Variants in FARP2 observed in about 807,000 individuals in gnomAD.
FARP2 encodes the protein FERM, ARHGEF and pleckstrin domain-containing protein 2.
FARP2 carries 111 observed loss-of-function variants against 130.5 expected under a neutral mutation model. The ratio of observed to expected loss-of-function variants is 0.85; its 90% CI spans 0.73 to 1.00. FARP2 has a LOEUF of 1.00. Among genes scored for constraint, FARP2 ranks in the 50% least tolerant of loss-of-function variants. The pLI, the probability that FARP2 is intolerant of heterozygous loss-of-function variation, is 0.00. For synonymous variants in FARP2, 504 were observed against 516.9 expected, an observed-to-expected ratio of 0.98 and a Z score of 0.34; for missense variants, 1,385 against 1,346.3, an observed-to-expected ratio of 1.03 and a Z score of -0.45.
intron 1 of FARP2, among the ~76,000 whole-genome samples, chr2:241,357,480 G>GT (rs1357048056): frequency 1.3e-5 from 2 of 152,074 alleles, no homozygotes; most frequent in Admixed American, 1.3e-4. Flanking sequence ...GTTTTGTTTT[G>GT]TTTTTTGAGG....
chr2:241,371,279 T>A (rs566866113), intron 1 of FARP2, among the ~76,000 whole-genome samples: 58 of 152,270 alleles, frequency 3.8e-4, no homozygotes, highest in African/African-American at 1.4e-3. Flanking sequence ...GGCCAGGAGT[T>A]GAAAACCAGC....
At chr2:241,463,531 G>A in intron 16 of FARP2, 63 bp downstream of exon 16, 1 of 1,553,114 alleles carries the variant, frequency 6.4e-7, no homozygotes, top group Non-Finnish European at 8.7e-7. Context: ...CCGCTCTTAG[G>A]AACTTCCCAG....
intron 6 of FARP2, among the ~76,000 whole-genome samples, chr2:241,412,186 G>A (rs751540115): frequency 1.3e-5 from 2 of 152,282 alleles, no homozygotes; most frequent in East Asian, 3.9e-4. Flanking sequence ...TGGCGGCAGC[G>A]AGAGAGGCTT....
At chr2:241,357,010 A>G (rs956695023) in intron 1 of FARP2, among the ~76,000 whole-genome samples, 3 of 152,244 alleles carry the variant, frequency 2.0e-5, no homozygotes, top group Non-Finnish European at 2.9e-5. Context: ...GGACCAGAAT[A>G]TGGCCCAGTA....
chr2:241,437,339 C>G (rs915323507), intron 12 of FARP2, among the ~76,000 whole-genome samples: 1 of 152,218 alleles, frequency 6.6e-6, no homozygotes, highest in Non-Finnish European at 1.5e-5. Context: ...ACAGCTGTTC[C>G]GTGCCACTGT....
Position 241,366,122 on chromosome 2 carries a change from C to CAT in FARP2, c.-24-6962_-24-6961insAT, listed in dbSNP as rs2061307447. On this transcript the variant is annotated intron_variant, in intron 1 of 26. Coordinates refer to ENST00000264042, the MANE Select transcript of FARP2 (RefSeq NM_014808.4). Reference sequence around the variant, plus strand: ...AAAAAAAAATATATATATATATATACGTATATATATATATATACACACACA... The same window carrying CAT: ...AAAAAAAAATATATATATATATATACATGTATATATATATATATACACACACA... Among the ~76,000 whole-genome samples the CAT allele has an allele frequency of 2.4e-4, 15 of 63,726 alleles. 1 individual carries two copies. Among genetic ancestry groups the CAT allele is most frequent in the African/African-American group, 8.3e-4 (15 of 18,122 alleles). 41.8% of individuals were successfully genotyped at this position (63,726 alleles called of 152,430 possible).
intron 2 of FARP2, among the ~76,000 whole-genome samples, chr2:241,378,475 A>C (rs2061591698): frequency 7.3e-6 from 1 of 136,250 alleles, no homozygotes; most frequent in Non-Finnish European, 1.5e-5. Context: ...GCAGTGGCAT[A>C]GTCAAAACTC....
intron 13 of FARP2, among the ~76,000 whole-genome samples, chr2:241,451,724 C>G (rs182427675): frequency 6.6e-6 from 1 of 152,224 alleles, no homozygotes; most frequent in Non-Finnish European, 1.5e-5. Context: ...GCACCTAAAA[C>G]TTGATATTTA....
chr2:241,449,120 C>T (rs2063583155), intron 13 of FARP2, among the ~76,000 whole-genome samples: 1 of 152,222 alleles, frequency 6.6e-6, no homozygotes, highest in Non-Finnish European at 1.5e-5. Flanking sequence ...TTCACATTTA[C>T]TTGGATCCCT....
Position 241,458,570 on chromosome 2 carries a change from A to T in FARP2, c.1587+1648A>T, listed in dbSNP as rs138855042. ...AACGTACTGCTGCACGAGGCCTGCAAGTGAGGGCTAGTTCTGGGCCCTGGC... is the reference window on the plus strand; with the variant it reads ...AACGTACTGCTGCACGAGGCCTGCATGTGAGGGCTAGTTCTGGGCCCTGGC... On this transcript the variant is annotated intron_variant, in intron 14 of 26. Coordinates refer to ENST00000264042, the MANE Select transcript of FARP2 (RefSeq NM_014808.4). Among the ~76,000 whole-genome samples, 10 of 152,290 alleles carry T rather than the reference A, an allele frequency of 6.6e-5. No homozygotes were observed. In the East Asian group the frequency reaches 1.9e-3, roughly 29 times the overall value.
chr2:241,420,069 T>C (rs903720007), intron 8 of FARP2, among the ~76,000 whole-genome samples: 1 of 152,342 alleles, frequency 6.6e-6, no homozygotes, highest in Non-Finnish European at 1.5e-5. Context: ...GAGAATCACC[T>C]GAGCCCAGGA....
At chr2:241,471,864 G>T (rs531065928) in intron 18 of FARP2, among the ~76,000 whole-genome samples, 1 of 151,654 alleles carries the variant, frequency 6.6e-6, no homozygotes, top group South Asian at 2.1e-4. Flanking sequence ...GTTCTGAAGG[G>T]AACCTGTTCT....
chr2:241,433,218 A>G (rs1351893405), intron 9 of FARP2, among the ~76,000 whole-genome samples: 1 of 152,242 alleles, frequency 6.6e-6, no homozygotes, highest in African/African-American at 2.4e-5. Context: ...GATAAGTCAA[A>G]GCCCAGAACT....
At chr2:241,456,612 A>G (rs1296799541) in intron 13 of FARP2, 135 bp from the exon 14 acceptor site, 1 of 763,418 alleles carries the variant, frequency 1.3e-6, no homozygotes, top group Non-Finnish European at 2.3e-6. Context: ...GAGGCTGTAC[A>G]TACACATTTT....
chr2:241,463,365 G>A lies in FARP2; in HGVS notation c.1708G>A (p.Ala570Thr), dbSNP rs375677515. 1.4e-5 allele frequency: 23 copies of A among 1,613,972 alleles called. No individual in the cohort carries two copies. In the African/African-American group the frequency reaches 1.5e-4, roughly 10 times the overall value. The change falls in exon 16 of 27, where the codon GCC becomes ACC. Residue 570 changes from alanine (A) to threonine (T), a missense_variant. Ala to Thr is a moderately conservative substitution (Grantham distance 58). Transcript: ENST00000264042. ...WFRSAVVKED[A>T]MPATLMTLLF... ...CCGCAGCGCAGTGGTGAAGGAGGAC[G>A]CCATGCCTGCGACTCTGATGACGCT...
chr2:241,432,957 C>T (rs969268335), intron 9 of FARP2, among the ~76,000 whole-genome samples: 2 of 152,130 alleles, frequency 1.3e-5, no homozygotes, highest in East Asian at 3.9e-4. Context: ...AGTAGTAGGG[C>T]TTTTGGTACA....
Position 241,463,446 on chromosome 2 carries a change from G to T in FARP2, c.1789G>T (p.Val597Leu). 6.2e-7 allele frequency: 1 copy of T among 1,613,878 alleles called. No individual in the cohort carries two copies. The highest frequency in any genetic ancestry group is 8.5e-7 in the Non-Finnish European group (1 of 1,180,022). ...YEFHRGFLRE[V>L]EQRLALWEGP... ...GTTCCACAGAGGCTTCCTGCGCGAG[G>T]TGGAGCAGAGGCTGGCACTCTGGTA... Residue 597 changes from valine to leucine, a missense_variant, in exon 16 of 27, where the codon GTG becomes TTG. Physicochemically the swap from Val to Leu is conservative, Grantham distance 32. Coordinates refer to ENST00000264042, the MANE Select transcript of FARP2 (RefSeq NM_014808.4).
At chr2:241,432,928 C>T (rs1411224947) in intron 9 of FARP2, among the ~76,000 whole-genome samples, 3 of 152,188 alleles carry the variant, frequency 2.0e-5, no homozygotes, top group Non-Finnish European at 4.4e-5. Flanking sequence ...GCTTTGCCTA[C>T]GCCTTTAAAA....
chr2:241,418,148 G>A (rs2062724623), intron 8 of FARP2, 39 bp downstream of exon 8: 2 of 1,611,042 alleles, frequency 1.2e-6, no homozygotes, highest in Non-Finnish European at 8.5e-7. Context: ...AACAGGGCAG[G>A]GGAGGTTTTC....
Sources: allele counts gnomAD v4.1 joint callset (sites outside exome capture counted in the v4.1 genomes callset), GRCh38; gene constraint gnomAD v4.1.1; transcripts MANE v1.5; gene names NCBI Gene and HGNC (gene_info 2026-07-23, HGNC 2026-07-21).